Variants in SPTLC3 observed in about 807,000 individuals in gnomAD.
SPTLC3 encodes the protein serine palmitoyltransferase long chain base subunit 3, also known as serine palmitoyltransferase 3.
Under a neutral mutation model 59.3 loss-of-function variants are expected in SPTLC3, and 36 were observed. That is an observed-to-expected ratio of 0.61 (90% CI 0.47 to 0.80). SPTLC3 has a LOEUF of 0.80. Ranked by LOEUF, SPTLC3 falls within the 30% of genes least tolerant of loss-of-function variation. SPTLC3 has a pLI of 0.00. For synonymous variants in SPTLC3, 257 were observed against 240.8 expected, an observed-to-expected ratio of 1.07 and a Z score of -0.62; for missense variants, 625 against 685.1, an observed-to-expected ratio of 0.91 and a Z score of 0.98.
intron 7 of SPTLC3, among the ~76,000 whole-genome samples, chr20:13,116,275 A>G (rs1304739979): frequency 1.3e-5 from 2 of 152,136 alleles, no homozygotes; most frequent in Non-Finnish European, 2.9e-5. Flanking sequence ...GAGACGTTCA[A>G]CTCTGTTTGA....
chr20:13,091,040 G>T (rs994308325), intron 4 of SPTLC3, 43 bp from the exon 5 acceptor site: 1 of 1,607,648 alleles, frequency 6.2e-7, no homozygotes, highest in Non-Finnish European at 8.5e-7. Context: ...TCTTGGCCTT[G>T]TTGAAAAGAG....
rs530166646 is a variant in SPTLC3 at position 13,117,373 on chromosome 20, A to G, written c.933-133A>G. ...CAAGATTGAAAGGGTTGTCTCAGCC[A>G]AATAAAACATGCCTTCAGAACAAAG... is the stretch of plus-strand genomic sequence containing the variant. On this transcript the variant is annotated intron_variant, in intron 7 of 11. Coordinates refer to ENST00000399002, the MANE Select transcript of SPTLC3 (RefSeq NM_018327.4). 5 of 837,280 alleles carry G rather than the reference A, an allele frequency of 6.0e-6. No individual in the cohort carries two copies. The South Asian group carries it at 1.4e-4, about 24-fold the overall frequency. 51.9% of individuals were successfully genotyped at this position (837,280 alleles called of 1,614,324 possible). A position where few individuals can be genotyped will look rare whatever the true frequency, so the allele number is the denominator to read the frequency against.
chr20:13,137,881 G>A (rs1322388480), intron 9 of SPTLC3, among the ~76,000 whole-genome samples: 1 of 152,016 alleles, frequency 6.6e-6, no homozygotes, highest in Non-Finnish European at 1.5e-5. Flanking sequence ...CCTGGCTCCT[G>A]ACTCCAAACA....
intron 4 of SPTLC3, among the ~76,000 whole-genome samples, chr20:13,085,169 C>T (rs1466599944): frequency 6.6e-6 from 1 of 152,110 alleles, no homozygotes; most frequent in African/African-American, 2.4e-5. Flanking sequence ...GTGGTGTATG[C>T]TTCGTAACTG....
chr20:13,071,833 A>C (rs1417522790), intron 2 of SPTLC3, among the ~76,000 whole-genome samples: 1 of 152,192 alleles, frequency 6.6e-6, no homozygotes, highest in Non-Finnish European at 1.5e-5. Context: ...CAGTTTTGCC[A>C]GCAGGTCCGA....
At chr20:13,086,699 A>T (rs1264133527) in intron 4 of SPTLC3, among the ~76,000 whole-genome samples, 1 of 152,204 alleles carries the variant, frequency 6.6e-6, no homozygotes, top group Non-Finnish European at 1.5e-5. Context: ...ATCCTGAAAA[A>T]GGACTGTGTC....
intron 4 of SPTLC3, among the ~76,000 whole-genome samples, chr20:13,089,144 T>C (rs1989114944): frequency 1.3e-5 from 2 of 152,180 alleles, no homozygotes; most frequent in African/African-American, 4.8e-5. Flanking sequence ...TTAAATAAAT[T>C]CTTATATCAT....
chr20:13,040,133 T>C (rs1037122652), intron 1 of SPTLC3, among the ~76,000 whole-genome samples: 5 of 151,994 alleles, frequency 3.3e-5, no homozygotes, highest in Non-Finnish European at 5.9e-5. Flanking sequence ...TTATTTATCT[T>C]CTTATTTAAC....
chr20:13,141,181 G>C (rs1228737002), intron 9 of SPTLC3, among the ~76,000 whole-genome samples: 2 of 152,222 alleles, frequency 1.3e-5, no homozygotes, highest in Non-Finnish European at 2.9e-5. Context: ...TTTTTGACAT[G>C]AGATACATTC....
At chr20:13,137,235 G>A (rs1468535674) in intron 9 of SPTLC3, among the ~76,000 whole-genome samples, 1 of 152,180 alleles carries the variant, frequency 6.6e-6, no homozygotes, top group African/African-American at 2.4e-5. Flanking sequence ...TGAGGTTTTA[G>A]TTCTTGGATG....
In SPTLC3 at chr20:13,064,414, C is replaced by A. The variant is rs373307403; in HGVS notation, c.304-7842C>A. 1.8e-4 allele frequency among the ~76,000 whole-genome samples: 27 copies of A among 152,210 alleles called. 1 individual carries two copies. The South Asian group carries it at 3.3e-3, about 19-fold the overall frequency. On this transcript the variant is annotated intron_variant, in intron 2 of 11. Transcript: ENST00000399002. ...GTTGGAACGATTCTCCTGCCTCAAC[C>A]CCCCGAGTAGCTGAAATTACAGGCA...
At chr20:13,012,937 C>T (rs1439714111) in intron 1 of SPTLC3, among the ~76,000 whole-genome samples, 2 of 151,980 alleles carry the variant, frequency 1.3e-5, no homozygotes, top group Non-Finnish European at 2.9e-5. Flanking sequence ...TCCTGAGGGG[C>T]AAATGAGGAA....
chr20:13,042,249 G>A (rs1394618671), intron 1 of SPTLC3, among the ~76,000 whole-genome samples: 1 of 152,142 alleles, frequency 6.6e-6, no homozygotes, highest in Non-Finnish European at 1.5e-5. Flanking sequence ...GTTTTCCAGA[G>A]CACCCTTTAA....
intron 1 of SPTLC3, among the ~76,000 whole-genome samples, chr20:13,034,425 G>A (rs1986639257): frequency 6.6e-6 from 1 of 152,232 alleles, no homozygotes; most frequent in South Asian, 2.1e-4. Context: ...CAGGGCAAAG[G>A]TACATACTTT....
At chr20:13,011,378 C>T (rs917481145) in intron 1 of SPTLC3, among the ~76,000 whole-genome samples, 2 of 152,294 alleles carry the variant, frequency 1.3e-5, no homozygotes, top group Middle Eastern at 3.4e-3. Context: ...CCTGGCCTAA[C>T]GTCTTCTGCC....
intron 9 of SPTLC3, among the ~76,000 whole-genome samples, chr20:13,143,801 A>G (rs764348753): frequency 6.6e-6 from 1 of 152,094 alleles, no homozygotes; most frequent in Non-Finnish European, 1.5e-5. Flanking sequence ...CATTAACACA[A>G]TTACTCAGCC....
intron 2 of SPTLC3, chr20:13,049,381 T>C (rs1448618767): frequency 2.7e-6 from 1 of 370,458 alleles, no homozygotes; most frequent in Admixed American, 4.2e-5. Context: ...TTGTAATATT[T>C]AATTTTTGTA....
intron 4 of SPTLC3, among the ~76,000 whole-genome samples, chr20:13,088,784 ATTTTTT>A (rs375680092): frequency 8.9e-6 from 1 of 111,888 alleles, no homozygotes; most frequent in African/African-American, 3.6e-5. Flanking sequence ...GCACCCGGCT[ATTTTTT>A]TTTTTTTTTT....
chr20:13,147,113 G>A (rs534491572), intron 9 of SPTLC3, among the ~76,000 whole-genome samples: 1 of 152,280 alleles, frequency 6.6e-6, no homozygotes, highest in East Asian at 1.9e-4. Context: ...GCCGACGGCT[G>A]CCCACCCCTG....
Sources: gnomAD v4.1 joint callset for allele counts (sites outside exome capture counted in the v4.1 genomes callset) on GRCh38, gnomAD v4.1.1 for gene constraint, MANE v1.5 for transcripts, NCBI Gene and HGNC (gene_info 2026-07-23, HGNC 2026-07-21) for gene names.